The following C13orf46 variants were observed in gnomAD, a reference collection of about 807,000 sequenced individuals.
C13orf46 encodes uncharacterized protein C13orf46.
the C13orf46 span, among the ~76,000 whole-genome samples, chr13:113,941,414 G>A: frequency 1.4e-4 from 12 of 88,680 alleles, no homozygotes; most frequent in Admixed American, 1.0e-3. Context: ...CTGAGCGTTC[G>A]AGACCCTGGT....
At chr13:113,936,937 AG>A in the C13orf46 span, among the ~76,000 whole-genome samples, 1 of 152,148 alleles carries the variant, frequency 6.6e-6, no homozygotes, top group African/African-American at 2.4e-5. Context: ...TCCAGAATAA[AG>A]GGGGGTAATC....
rs1401351826 is a variant in C13orf46 at position 113,955,390 on chromosome 13, G to A, written c.*1383C>T. The A allele has an allele frequency of 0.097, 16,387 of 168,896 alleles. 1,206 individuals are homozygous for A. The highest frequency in any genetic ancestry group is 0.12 in the Non-Finnish European group (9,953 of 80,114). The allele number at this position is 168,896 out of a possible 1,614,324, so 10.5% of individuals were successfully genotyped here. On this transcript the variant is annotated 3_prime_UTR_variant, in exon 7 of 7. Transcript: ENST00000636427. ...CCGGCGGAGAGGAGGAGCATCCGGCGGAGACGAGGAGCATCCGGCGGTGAC... is the reference window on the plus strand; with the variant it reads ...CCGGCGGAGAGGAGGAGCATCCGGCAGAGACGAGGAGCATCCGGCGGTGAC...
chr13:113,941,409 C>T, the C13orf46 span, among the ~76,000 whole-genome samples: 1 of 80,380 alleles, frequency 1.2e-5, no homozygotes, highest in African/African-American at 4.6e-5. Flanking sequence ...TGAGGCTGAG[C>T]GTTCGAGACC....
At chr13:113,936,517 C>T in the C13orf46 span, among the ~76,000 whole-genome samples, 3,536 of 152,166 alleles carry the variant, frequency 0.023, 155 homozygotes, top group East Asian at 0.19. Context: ...CAGCACAGCC[C>T]GAGGAGGGGG....
intron 2 of C13orf46, among the ~76,000 whole-genome samples, chr13:113,969,661 T>C (rs1025859730): frequency 2.5e-3 from 383 of 152,324 alleles, no homozygotes; most frequent in African/African-American, 8.6e-3. Context: ...TCTTCTTTGA[T>C]GGCAGGAGGG....
At chr13:113,971,069 C>A (rs141615342) in intron 1 of C13orf46, among the ~76,000 whole-genome samples, 211 of 152,358 alleles carry the variant, frequency 1.4e-3, no homozygotes, top group Admixed American at 2.7e-3. Flanking sequence ...ATTCTCCAAG[C>A]CCTAGGTGCT....
At chr13:113,960,695 C>T (rs1348227853) in intron 6 of C13orf46, among the ~76,000 whole-genome samples, 4 of 152,220 alleles carry the variant, frequency 2.6e-5, no homozygotes, top group Non-Finnish European at 2.9e-5. Context: ...CTGTTACCAA[C>T]AGCTGTGTGT....
the C13orf46 span, chr13:113,926,944 C>A: frequency 6.6e-6 from 1 of 152,322 alleles, no homozygotes; most frequent in African/African-American, 2.4e-5. Flanking sequence ...TTGCATGCAG[C>A]CCTCTCAGGG....
chr13:113,965,733 G>T (rs1236245131), intron 5 of C13orf46, among the ~76,000 whole-genome samples: 1 of 90,734 alleles, frequency 1.1e-5, no homozygotes, highest in South Asian at 3.8e-4. Context: ...TGATGATGGT[G>T]AAGGTGATGA....
downstream of C13orf46, among the ~76,000 whole-genome samples, chr13:113,949,631 G>A (rs1387166209): frequency 2.6e-5 from 4 of 152,218 alleles, no homozygotes; most frequent in East Asian, 3.8e-4. Flanking sequence ...GAGAACAAAG[G>A]CTAAGCCCTG....
the C13orf46 span, among the ~76,000 whole-genome samples, chr13:113,943,733 C>G: frequency 6.6e-6 from 1 of 152,322 alleles, no homozygotes; most frequent in African/African-American, 2.4e-5. Context: ...GGCTTACGCT[C>G]TGTTGGTGGG....
At chr13:113,960,906 ATATTTTATATTT>A (rs1406048505) in intron 6 of C13orf46, among the ~76,000 whole-genome samples, 2 of 152,222 alleles carry the variant, frequency 1.3e-5, no homozygotes, top group Non-Finnish European at 2.9e-5. Flanking sequence ...TAAAAACCAA[ATATTTTATATTT>A]TATCAAGATA....
the C13orf46 span, among the ~76,000 whole-genome samples, chr13:113,931,725 TAAAG>T: frequency 1.3e-5 from 2 of 152,240 alleles, no homozygotes; most frequent in African/African-American, 4.8e-5. Flanking sequence ...TATTCTGTGT[TAAAG>T]AATTCTTCCT....
intron 6 of C13orf46, among the ~76,000 whole-genome samples, chr13:113,963,356 G>A (rs2052604911): frequency 2.9e-5 from 1 of 35,012 alleles, no homozygotes; most frequent in Non-Finnish European, 7.9e-5. Context: ...CCTCAGCCTC[G>A]GCCCGTCCTC....
At chr13:113,946,638 C>T in the C13orf46 span, among the ~76,000 whole-genome samples, 6 of 152,354 alleles carry the variant, frequency 3.9e-5, 1 homozygote, top group South Asian at 1.2e-3. Context: ...GGGGTGGGAG[C>T]AGAACGGGGC....
rs1422980155 is a variant in C13orf46, at chr13:113,954,448, C to A, written c.*2325G>T. 6.6e-6 allele frequency: 1 copy of A among 152,362 alleles called. No homozygotes were observed. Among genetic ancestry groups the A allele is most frequent in the Non-Finnish European group, 1.5e-5 (1 of 68,128 alleles). 9.4% of individuals were successfully genotyped at this position (152,362 alleles called of 1,614,324 possible). On this transcript the variant is annotated 3_prime_UTR_variant, in exon 7 of 7. Transcript: ENST00000636427. ...AGCCCCCCACACCCCTAGGAAGACT[C>A]CCTCTCCTCCTCTGAGTGGGGAGCA...
At chr13:113,927,884 CT>C in the C13orf46 span, 3 of 344,188 alleles carry the variant, frequency 8.7e-6, no homozygotes, top group African/African-American at 6.3e-5. Flanking sequence ...CAGCAAGTCT[CT>C]TGGAAACATG....
the C13orf46 span, among the ~76,000 whole-genome samples, chr13:113,937,336 C>T: frequency 6.6e-6 from 1 of 152,196 alleles, no homozygotes; most frequent in African/African-American, 2.4e-5. Flanking sequence ...ATCGTGGCCA[C>T]GTATGGCTCC....
At chr13:113,928,504 C>CA in the C13orf46 span, 1 of 152,464 alleles carries the variant, frequency 6.6e-6, no homozygotes, top group Non-Finnish European at 1.5e-5. Context: ...GAACAGCGCC[C>CA]AGGAAGAGGT....
Sources: gnomAD v4.1 joint callset for allele counts (sites outside exome capture counted in the v4.1 genomes callset) on GRCh38, gnomAD v4.1.1 for gene constraint, MANE v1.5 for transcripts, NCBI Gene and HGNC (gene_info 2026-07-23, HGNC 2026-07-21) for gene names.